The following SHTN1 variants were observed in gnomAD, a reference collection of about 807,000 sequenced individuals.
The protein encoded by SHTN1 is shootin 1, also known as shootin-1.
Under a neutral mutation model 83.1 loss-of-function variants are expected in SHTN1, and 42 were observed. The observed-to-expected ratio is 0.51, with a 90% confidence interval of 0.39 to 0.65. The LOEUF is 0.65. SHTN1 is among the 30% of genes least tolerant of loss of function. The pLI, the probability that SHTN1 is intolerant of heterozygous loss-of-function variation, is 0.00. For missense variants in SHTN1, 622 were observed against 737.8 expected, an observed-to-expected ratio of 0.84 and a Z score of 1.82; for synonymous variants, 224 against 247.7, an observed-to-expected ratio of 0.90 and a Z score of 0.90.
chr10:116,998,396 T>C (rs554273058), intron 1 of SHTN1, among the ~76,000 whole-genome samples: 3 of 152,260 alleles, frequency 2.0e-5, no homozygotes, highest in East Asian at 3.9e-4. Context: ...TGAAAATAGA[T>C]GACTACAGTA....
chr10:116,998,054 G>C (rs566353718), intron 1 of SHTN1, among the ~76,000 whole-genome samples: 1 of 152,038 alleles, frequency 6.6e-6, no homozygotes, highest in African/African-American at 2.4e-5. Flanking sequence ...CTCATGCCTC[G>C]GCACTTCAGC....
At chr10:116,903,858 A>T (rs1437895213) in intron 15 of SHTN1, among the ~76,000 whole-genome samples, 2 of 152,210 alleles carry the variant, frequency 1.3e-5, no homozygotes, top group Non-Finnish European at 2.9e-5. Flanking sequence ...AAGACATTTT[A>T]AAAAATGTAC....
intron 1 of SHTN1, among the ~76,000 whole-genome samples, chr10:116,982,100 T>G (rs1269998621): frequency 6.6e-6 from 1 of 152,138 alleles, no homozygotes; most frequent in Admixed American, 6.6e-5. Context: ...GATCTTATAT[T>G]GACATTAAGA....
In SHTN1 at chr10:117,015,410, C is replaced by T. The variant is rs142807158; in HGVS notation, c.-123+33035G>A. Among the ~76,000 whole-genome samples the T allele has an allele frequency of 5.3e-3, 806 of 152,346 alleles. 10 individuals are homozygous for T. Among genetic ancestry groups the T allele is most frequent in the African/African-American group, 0.018 (763 of 41,564 alleles). On this transcript the variant is annotated intron_variant, in intron 2 of 17. Transcript: ENST00000392901. ...GCAATGGCACGATCTCAGCTCCCCA[C>T]AACCTGTGCCTCCCAGGTTCAAGCG...
At chr10:116,925,900 G>C (rs1848728584) in intron 11 of SHTN1, among the ~76,000 whole-genome samples, 1 of 151,408 alleles carries the variant, frequency 6.6e-6, no homozygotes, top group Non-Finnish European at 1.5e-5. Flanking sequence ...AAAACAAATA[G>C]ATCAGGAACA....
intron 1 of SHTN1, among the ~76,000 whole-genome samples, chr10:117,084,658 A>T (rs1853319908): frequency 1.3e-5 from 2 of 151,270 alleles, no homozygotes; most frequent in Admixed American, 1.3e-4. Flanking sequence ...TTGCAGTTTG[A>T]TCTCAGACTG....
intron 1 of SHTN1, among the ~76,000 whole-genome samples, chr10:116,990,969 G>A (rs191127569): frequency 3.3e-5 from 5 of 152,078 alleles, no homozygotes; most frequent in African/African-American, 4.8e-5. Flanking sequence ...GGTGGATCAC[G>A]AGGTCAGGAG....
intron 2 of SHTN1, among the ~76,000 whole-genome samples, chr10:117,038,446 A>G (rs1443168020): frequency 6.6e-6 from 1 of 151,998 alleles, no homozygotes; most frequent in Non-Finnish European, 1.5e-5. Context: ...AGCCGCAATG[A>G]CTTTTTAGAT....
intron 11 of SHTN1, among the ~76,000 whole-genome samples, chr10:116,922,219 G>A (rs567389547): frequency 1.3e-5 from 2 of 152,042 alleles, no homozygotes; most frequent in African/African-American, 4.8e-5. Context: ...TACAAAAGAG[G>A]TACTTGACTT....
At chr10:117,111,001 A>C (rs188939239) in intron 1 of SHTN1, among the ~76,000 whole-genome samples, 32 of 152,200 alleles carry the variant, frequency 2.1e-4, no homozygotes, top group Middle Eastern at 3.4e-3. Flanking sequence ...GTTCAAGACC[A>C]GCCTGGCCAA....
chr10:117,098,352 G>A (rs1283451137), intron 1 of SHTN1, among the ~76,000 whole-genome samples: 1 of 143,576 alleles, frequency 7.0e-6, no homozygotes, highest in African/African-American at 2.6e-5. Context: ...CGCCGACATC[G>A]CGCCACTGCC....
intron 2 of SHTN1, among the ~76,000 whole-genome samples, chr10:116,976,356 G>T (rs936907428): frequency 1.3e-5 from 2 of 152,156 alleles, no homozygotes; most frequent in Admixed American, 1.3e-4. Flanking sequence ...ATCCACCGCC[G>T]CCTCCCATTG....
chr10:116,911,282 A>G (rs1848180329), intron 14 of SHTN1, among the ~76,000 whole-genome samples: 1 of 152,180 alleles, frequency 6.6e-6, no homozygotes, highest in Non-Finnish European at 1.5e-5. Flanking sequence ...TAAAACTAGT[A>G]ACATAAAAAA....
At position 117,089,944 on chromosome 10, in the gene SHTN1, G is replaced by A. The variant is rs2133619355; in HGVS notation, c.-189+36363C>T. 2.0e-5 allele frequency among the ~76,000 whole-genome samples: 3 copies of A among 152,290 alleles called. No individual in the cohort carries two copies. The South Asian group carries it at 6.2e-4, about 32-fold the overall frequency. ...GAAAACAACATATGTTGGTGAGGAT[G>A]TGGAGAAATTAGAACCCTTGTACAC... On this transcript the variant is annotated intron_variant, in intron 1 of 17. Transcript: ENST00000392901.
At chr10:117,118,482 T>C (rs1407768135) in intron 1 of SHTN1, among the ~76,000 whole-genome samples, 2 of 149,590 alleles carry the variant, frequency 1.3e-5, no homozygotes, top group East Asian at 2.0e-4. Context: ...CTATGAAAAA[T>C]AGTATGGAGG....
At chr10:117,090,859 G>A (rs898437843) in intron 1 of SHTN1, among the ~76,000 whole-genome samples, 13 of 152,240 alleles carry the variant, frequency 8.5e-5, no homozygotes, top group Admixed American at 3.3e-4. Flanking sequence ...CCAGGAAAAA[G>A]AGGATAGAGA....
intron 1 of SHTN1, among the ~76,000 whole-genome samples, chr10:117,123,751 A>G (rs1187733845): frequency 2.0e-5 from 3 of 150,372 alleles, no homozygotes; most frequent in African/African-American, 7.4e-5. Context: ...CTAAAAATAC[A>G]AAAAAAAATC....
chr10:117,124,319 G>A (rs1343753174), intron 1 of SHTN1, among the ~76,000 whole-genome samples: 3 of 152,040 alleles, frequency 2.0e-5, no homozygotes, highest in African/African-American at 7.2e-5. Context: ...TGAATTCAGA[G>A]GAAAAGCTTG....
At chr10:116,937,053 G>A (rs1376866344) in intron 9 of SHTN1, among the ~76,000 whole-genome samples, 1 of 151,820 alleles carries the variant, frequency 6.6e-6, no homozygotes, top group Non-Finnish European at 1.5e-5. Flanking sequence ...AAGCCTATGT[G>A]TCTTTACACG....
Sources: gnomAD v4.1 joint callset for allele counts (sites outside exome capture counted in the v4.1 genomes callset) on GRCh38, gnomAD v4.1.1 for gene constraint, MANE v1.5 for transcripts, NCBI Gene and HGNC (gene_info 2026-07-23, HGNC 2026-07-21) for gene names.